The following CHFR variants were observed in gnomAD, a reference collection of about 807,000 sequenced individuals.
CHFR encodes E3 ubiquitin-protein ligase CHFR.
A neutral mutation model predicts 87.6 loss-of-function variants in CHFR; 57 were observed. The observed-to-expected ratio is 0.65, with a 90% confidence interval of 0.53 to 0.81. The LOEUF is 0.81. CHFR is among the 30% of genes least tolerant of loss of function. The probability of loss-of-function intolerance (pLI) is 0.00; values close to 1 mark genes in which losing one functional copy is unlikely to be tolerated. For missense variants in CHFR, 797 were observed against 865.8 expected (o/e 0.92, Z 1.00); for synonymous variants, 381 against 359.2 (o/e 1.06, Z -0.69).
intron 10 of CHFR, chr12:132,854,321 GGTGTCTGGA>G (rs1859014493): frequency 6.6e-6 from 1 of 152,112 alleles, no homozygotes; most frequent in Non-Finnish European, 1.5e-5. Flanking sequence ...CTTTCCGATC[GGTGTCTGGA>G]TAACAAACTT....
rs567506407 is a variant in CHFR at position 132,850,440 on chromosome 12, G to A, written c.1492+1178C>T. On this transcript the variant is annotated intron_variant, in intron 12 of 17. Coordinates refer to ENST00000450056, the MANE Select transcript of CHFR (RefSeq NM_001161346.2). ...GCCGAGCTGCCATCTGCTGACCACCGCGTGTGTGAGACATGGGACAAGCTG... is the reference window on the plus strand; with the variant it reads ...GCCGAGCTGCCATCTGCTGACCACCACGTGTGTGAGACATGGGACAAGCTG... Among the ~76,000 whole-genome samples the A allele has an allele frequency of 2.0e-4, 31 of 152,220 alleles. 1 individual carries two copies. Among genetic ancestry groups the A allele is most frequent in the African/African-American group, 6.7e-4 (28 of 41,538 alleles).
chr12:132,853,223 GA>G (rs1280837070), intron 11 of CHFR, among the ~76,000 whole-genome samples: 3 of 152,212 alleles, frequency 2.0e-5, no homozygotes, highest in Non-Finnish European at 2.9e-5. Flanking sequence ...GGCTACGAAT[GA>G]ACAGTTACTT....
chr12:132,851,514 G>A (rs1950943840), intron 12 of CHFR, 104 bp downstream of exon 12: 9 of 1,291,286 alleles, frequency 7.0e-6, no homozygotes, highest in Middle Eastern at 2.0e-4. Context: ...AAAAAGAAAC[G>A]GCATCCTTAC....
intron 2 of CHFR, among the ~76,000 whole-genome samples, chr12:132,880,783 G>A (rs11147138): frequency 0.17 from 26,033 of 150,680 alleles, 2,324 homozygotes; most frequent in Middle Eastern, 0.24. Flanking sequence ...TGACCAACAT[G>A]GTGAAACCCA....
At chr12:132,872,627 T>G (rs139851613) in intron 3 of CHFR, among the ~76,000 whole-genome samples, 1 of 152,246 alleles carries the variant, frequency 6.6e-6, no homozygotes, top group Non-Finnish European at 1.5e-5. Flanking sequence ...CCTCCTCACG[T>G]GCTTGGCAGC....
intron 16 of CHFR, 118 bp from the exon 17 acceptor site, chr12:132,843,201 C>G: frequency 2.3e-6 from 2 of 852,690 alleles, no homozygotes; most frequent in East Asian, 5.3e-5. Context: ...GGCCTCTGGT[C>G]CCTCCATAAC....
intron 9 of CHFR, 28 bp from the exon 10 acceptor site, chr12:132,856,658 C>G (rs1436161219): frequency 1.2e-6 from 2 of 1,610,692 alleles, no homozygotes; most frequent in African/African-American, 1.3e-5. Context: ...CAGCGCCATT[C>G]ACCGGCAGTG....
At chr12:132,886,327 A>G (rs1951893388) in intron 2 of CHFR, among the ~76,000 whole-genome samples, 2 of 151,618 alleles carry the variant, frequency 1.3e-5, no homozygotes, top group Non-Finnish European at 2.9e-5. Flanking sequence ...ACAAACAAAA[A>G]AACAAAAAAA....
rs541702051 is a variant in CHFR, at chr12:132,853,284, T to C, written c.1372+147A>G. ...GTCACGAAAAGCAACCAACTGTGAG[T>C]GCAGGGAGACCAATGAGGCCAGGGC... On this transcript the variant is annotated intron_variant, in intron 11 of 17. Coordinates refer to ENST00000450056, the MANE Select transcript of CHFR (RefSeq NM_001161346.2). The C allele has an allele frequency of 3.9e-5, 31 of 805,052 alleles. No individual in the cohort carries two copies. The African/African-American group carries it at 5.3e-4, about 14-fold the overall frequency. The allele number at this position is 805,052 out of a possible 1,614,324, so 49.9% of individuals were successfully genotyped here.
chr12:132,864,936 CTGG>C (rs1178581167), intron 6 of CHFR, among the ~76,000 whole-genome samples: 1 of 152,208 alleles, frequency 6.6e-6, no homozygotes, highest in African/African-American at 2.4e-5. Context: ...AACAATTTTA[CTGG>C]TGAAGTTTGT....
At chr12:132,887,412 C>T in intron 1 of CHFR, 72 bp from the exon 2 acceptor site, 1 of 1,137,710 alleles carries the variant, frequency 8.8e-7, no homozygotes. Flanking sequence ...CGCCCCACCC[C>T]GCGGGCCCCG....
At chr12:132,878,480 A>G (rs904507223) in intron 2 of CHFR, among the ~76,000 whole-genome samples, 3 of 151,594 alleles carry the variant, frequency 2.0e-5, no homozygotes, top group African/African-American at 7.3e-5. Context: ...AAATAAAAAA[A>G]AAAAAAAGCA....
chr12:132,850,982 T>C (rs1221430798), intron 12 of CHFR, among the ~76,000 whole-genome samples: 1 of 149,144 alleles, frequency 6.7e-6, no homozygotes, highest in Non-Finnish European at 1.5e-5. Flanking sequence ...TATATATATA[T>C]ATATATATAT....
Position 132,856,598 on chromosome 12 carries a change from T to C in CHFR, c.1099A>G (p.Met367Val), listed in dbSNP as rs377225060. ...TGAGTGATTTTATTTCTGGCATCCA[T>C]ACTTTGCACATCTTCTTCACTGCGA... ...KSRSEEDVQS[M>V]DARNKITQDM... The change falls in exon 10 of 18, where the codon ATG becomes GTG. Residue 367 changes from methionine (M) to valine (V), a missense_variant. Met to Val is a conservative substitution (Grantham distance 21, BLOSUM62 1). This residue lies in a region of CHFR where 597 missense variants were observed against 601.2 expected (regional missense o/e 0.99). Coordinates refer to ENST00000450056, the MANE Select transcript of CHFR (RefSeq NM_001161346.2). 1 of 1,614,068 alleles carries C rather than the reference T, an allele frequency of 6.2e-7. No homozygotes were observed. Among genetic ancestry groups the C allele is most frequent in the Non-Finnish European group, 8.5e-7 (1 of 1,180,016 alleles).
intron 3 of CHFR, among the ~76,000 whole-genome samples, chr12:132,873,147 AGC>A (rs771383169): frequency 6.6e-6 from 1 of 152,176 alleles, no homozygotes; most frequent in Non-Finnish European, 1.5e-5. Context: ...TCAGCTCTGC[AGC>A]TTCACTCCCG....
In CHFR at chr12:132,835,912, G is replaced by C. The variant is rs112474658; in HGVS notation, c.*5642C>G. The C allele has an allele frequency of 2.0e-4, 39 of 197,236 alleles. No individual in the cohort carries two copies. The highest frequency in any genetic ancestry group is 6.2e-4 in the African/African-American group (17 of 27,344). 12.2% of individuals were successfully genotyped at this position (197,236 alleles called of 1,614,324 possible). A position where few individuals can be genotyped will look rare whatever the true frequency, so the allele number is the denominator to read the frequency against. On this transcript the variant is annotated 3_prime_UTR_variant, in exon 18 of 18. Transcript: ENST00000450056. ...ACTCACAGTGCCAGGCTCCCAGCAC[G>C]GCGCACGGCACTCACAGTGACAGGC...
rs893777773 is a variant in CHFR, at chr12:132,841,252, C to T, written c.*302G>A. On this transcript the variant is annotated 3_prime_UTR_variant, in exon 18 of 18. Transcript: ENST00000450056. The stretch of plus-strand genomic sequence containing the variant: ...TAGTTTCGGAAAATGTACAAAAGAG[C>T]AAAACTGCCCCTCTCGGCGGGACGG... 1.9e-5 allele frequency: 6 copies of T among 320,656 alleles called. No individual in the cohort carries two copies. The highest frequency in any genetic ancestry group is 2.9e-5 in the Non-Finnish European group (5 of 174,432). 19.9% of individuals were successfully genotyped at this position (320,656 alleles called of 1,614,324 possible).
intron 2 of CHFR, among the ~76,000 whole-genome samples, 166 bp from the exon 3 acceptor site, chr12:132,877,820 T>C (rs370484626): frequency 3.6e-4 from 55 of 151,914 alleles, no homozygotes; most frequent in African/African-American, 1.3e-3. Context: ...TTTTTTTTCT[T>C]GAGACGGAGT....
In CHFR at chr12:132,834,754, C is replaced by T. The variant is rs1171928955; in HGVS notation, c.*6800G>A. Reference sequence around the variant, plus strand: ...TTTTTGAGATAGAGTCTCGCTCTGTCGCCCAGGCGGGAGTGCAGTGGTGCG... The same window carrying T: ...TTTTTGAGATAGAGTCTCGCTCTGTTGCCCAGGCGGGAGTGCAGTGGTGCG... On this transcript the variant is annotated 3_prime_UTR_variant, in exon 18 of 18. Coordinates refer to ENST00000450056, the MANE Select transcript of CHFR (RefSeq NM_001161346.2). 2.1e-5 allele frequency: 3 copies of T among 142,854 alleles called. No individual in the cohort carries two copies. The highest frequency in any genetic ancestry group is 4.5e-5 in the Non-Finnish European group (3 of 66,692). 8.8% of individuals were successfully genotyped at this position (142,854 alleles called of 1,614,324 possible). A position where few individuals can be genotyped will look rare whatever the true frequency, so the allele number is the denominator to read the frequency against.
Sources: gnomAD v4.1 joint callset for allele counts (sites outside exome capture counted in the v4.1 genomes callset) on GRCh38, gnomAD v4.1.1 for gene constraint, gnomAD v4.1.1 regional missense constraint, MANE v1.5 for transcripts, NCBI Gene and HGNC (gene_info 2026-07-23, HGNC 2026-07-21) for gene names.